Variants in C6 observed in about 807,000 individuals in gnomAD.
C6 encodes complement component C6.
C6 carries 101 observed loss-of-function variants against 112.9 expected under a neutral mutation model. The ratio of observed to expected loss-of-function variants is 0.89; its 90% CI spans 0.76 to 1.06. The LOEUF (loss-of-function observed/expected upper bound fraction) is 1.06, where lower values mean the gene tolerates loss of function less well. Ranked by LOEUF, C6 falls within the 50% of genes least tolerant of loss-of-function variation. C6 has a pLI of 0.00. For missense variants in C6, 1,202 were observed against 1,104.6 expected (o/e 1.09, Z -1.25); for synonymous variants, 431 against 384.1 (o/e 1.12, Z -1.43).
intron 2 of C6, among the ~76,000 whole-genome samples, chr5:41,202,787 C>A (rs1333369344): frequency 6.6e-6 from 1 of 151,984 alleles, no homozygotes; most frequent in Non-Finnish European, 1.5e-5. Context: ...TATAGGCAAG[C>A]AAAGTTGTAT....
chr5:41,206,974 G>A (rs1053519269), intron 1 of C6, among the ~76,000 whole-genome samples: 20 of 152,214 alleles, frequency 1.3e-4, no homozygotes, highest in Non-Finnish European at 1.9e-4. Context: ...GGCAGCCAGA[G>A]AGAAAGGTCG....
chr5:41,147,814 G>C (rs1745979191), intron 17 of C6, among the ~76,000 whole-genome samples: 1 of 152,112 alleles, frequency 6.6e-6, no homozygotes, highest in African/African-American at 2.4e-5. Flanking sequence ...CTTCATCTTG[G>C]AGCAAATGTA....
chr5:41,160,473 A>G, intron 10 of C6, 106 bp from the exon 11 acceptor site: 2 of 853,920 alleles, frequency 2.3e-6, no homozygotes, highest in Non-Finnish European at 4.0e-6. Flanking sequence ...AAAATTTTAC[A>G]CTTCAAAGGG....
chr5:41,149,979 TTG>T lies in C6; in HGVS notation c.2335_2336del (p.Gln779IlefsTer4), dbSNP rs771792933. 37 of 1,613,258 alleles carry T rather than the reference TTG, an allele frequency of 2.3e-5. No homozygotes were observed. Among genetic ancestry groups the T allele is most frequent in the Non-Finnish European group, 3.0e-5 (35 of 1,179,416 alleles). ...ACATACAAATGCATTCAGATCCTGA[TTG>T]TTTCTGTCCCAGCTGACAATGGCCT... ...LKGHCQLGQK[Q>X]SGSECICMSP... On this transcript the variant is annotated frameshift_variant, in exon 16 of 18. Transcript: ENST00000337836. LOFTEE classifies it high-confidence loss of function.
intron 7 of C6, among the ~76,000 whole-genome samples, chr5:41,178,466 CTTTTTTTT>C (rs70988836): frequency 2.0e-5 from 2 of 101,594 alleles, no homozygotes; most frequent in Non-Finnish European, 3.8e-5. Context: ...TTTTCTTTTT[CTTTTTTTT>C]TTTTTTTTTT....
Position 41,142,783 on chromosome 5 carries a change from A to T in C6, c.*42T>A. The T allele has an allele frequency of 6.7e-7, 1 of 1,492,100 alleles. No individual in the cohort carries two copies. The highest frequency in any genetic ancestry group is 9.3e-7 in the Non-Finnish European group (1 of 1,069,776). 92.4% of individuals were successfully genotyped at this position (1,492,100 alleles called of 1,614,324 possible). On this transcript the variant is annotated 3_prime_UTR_variant, in exon 18 of 18. Transcript: ENST00000337836. ...CATTTGTAGGAGTTGGTTCTTCGGG[A>T]TGGTAAATCTGTTCATTGTGCTGGG...
intron 2 of C6, 34 bp from the exon 3 acceptor site, chr5:41,201,748 G>A (rs1384863745): frequency 6.4e-7 from 1 of 1,564,900 alleles, no homozygotes; most frequent in African/African-American, 1.4e-5. Context: ...CTTAGAATGA[G>A]TGTATTCACC....
At chr5:41,172,159 A>T in intron 9 of C6, 66 bp downstream of exon 9, 1 of 1,516,530 alleles carries the variant, frequency 6.6e-7, no homozygotes. Flanking sequence ...CACATCCAAT[A>T]TGGTCTGTAA....
chr5:41,225,517 G>A (rs1041645223), intron 1 of C6, among the ~76,000 whole-genome samples: 10 of 152,146 alleles, frequency 6.6e-5, no homozygotes, highest in South Asian at 6.2e-4. Flanking sequence ...GAATAGTGCC[G>A]CAATAAACAT....
intron 9 of C6, 71 bp downstream of exon 9, chr5:41,172,154 C>G: frequency 6.7e-7 from 1 of 1,487,518 alleles, no homozygotes; most frequent in Middle Eastern, 1.7e-4. Context: ...ACAGTCACAT[C>G]CAATATGGTC....
intron 9 of C6, among the ~76,000 whole-genome samples, chr5:41,169,209 T>A (rs906143447): frequency 2.0e-5 from 3 of 151,960 alleles, no homozygotes; most frequent in African/African-American, 7.2e-5. Flanking sequence ...AAGAGAAACA[T>A]GCTAACAAAG....
chr5:41,168,134 C>T (rs1355892421), intron 9 of C6, among the ~76,000 whole-genome samples: 3 of 152,156 alleles, frequency 2.0e-5, no homozygotes, highest in Admixed American at 6.6e-5. Flanking sequence ...GTGTCCAGAT[C>T]AGCTGCAGAC....
chr5:41,223,126 T>G (rs1029312814), intron 1 of C6, among the ~76,000 whole-genome samples: 9 of 152,174 alleles, frequency 5.9e-5, no homozygotes, highest in African/African-American at 2.2e-4. Context: ...ACCACTGTAA[T>G]AAACAAAAGC....
chr5:41,176,953 G>A (rs1252345437), intron 7 of C6, among the ~76,000 whole-genome samples: 2 of 152,146 alleles, frequency 1.3e-5, no homozygotes, highest in African/African-American at 4.8e-5. Flanking sequence ...TGTAATGGGG[G>A]CACGTGTTCT....
intron 6 of C6, among the ~76,000 whole-genome samples, chr5:41,182,302 G>T (rs141693190): frequency 6.6e-6 from 1 of 150,538 alleles, no homozygotes; most frequent in East Asian, 2.0e-4. Context: ...ACACCAGTCA[G>T]GATGTGTCAA....
At chr5:41,259,896 G>A (rs1741940008) in intron 1 of C6, among the ~76,000 whole-genome samples, 2 of 152,198 alleles carry the variant, frequency 1.3e-5, no homozygotes, top group Admixed American at 6.5e-5. Context: ...ATGTCTCACA[G>A]AAATTGAGGA....
rs911081053 is a variant in C6 at position 41,249,877 on chromosome 5, CA to C, written c.-21+11316del. Among the ~76,000 whole-genome samples the C allele has an allele frequency of 5.7e-4, 87 of 151,826 alleles. 1 individual carries two copies. The highest frequency in any genetic ancestry group is 2.1e-3 in the African/African-American group (85 of 41,352). ...ACAGGAGTACTCATAAGAAAACTGA[CA>C]AAAATGTGTTTCAGAGTCATGTTTA... On this transcript the variant is annotated intron_variant, in intron 1 of 17. Transcript: ENST00000263413.
In C6 at chr5:41,160,211, A is replaced by G; in HGVS notation, c.1615T>C (p.Cys539Arg). The change falls in exon 11 of 18, where the codon TGT becomes CGT. Residue 539 changes from cysteine to arginine, a missense_variant. By Grantham distance (180) the Cys-to-Arg change is radical. Transcript: ENST00000337836. Reference sequence around the variant, plus strand: ...GTGCCACTCTGACACACACACAGACATTCAGTCCCTGAGAGGGTGGGTCGG... The same window carrying G: ...GTGCCACTCTGACACACACACAGACGTTCAGTCCCTGAGAGGGTGGGTCGG... ...NGRPTLSGTECLCVCQSGTYG... is the reference protein window; with the variant it reads ...NGRPTLSGTERLCVCQSGTYG... The G allele has an allele frequency of 6.2e-7, 1 of 1,613,938 alleles. No homozygotes were observed. Among genetic ancestry groups the G allele is most frequent in the Non-Finnish European group, 8.5e-7 (1 of 1,179,838 alleles).
At chr5:41,189,605 T>C (rs1285001295) in intron 5 of C6, among the ~76,000 whole-genome samples, 1 of 152,028 alleles carries the variant, frequency 6.6e-6, no homozygotes, top group South Asian at 2.1e-4. Flanking sequence ...ATTCATCACC[T>C]CAAACATGTT....
Sources: gnomAD v4.1 joint callset for allele counts (sites outside exome capture counted in the v4.1 genomes callset) on GRCh38, gnomAD v4.1.1 for gene constraint, MANE v1.5 for transcripts, NCBI Gene and HGNC (gene_info 2026-07-23, HGNC 2026-07-21) for gene names.